The following FAM184A variants were observed in gnomAD, a reference collection of about 807,000 sequenced individuals.
The protein encoded by FAM184A is protein FAM184A.
A neutral mutation model predicts 143.8 loss-of-function variants in FAM184A; 99 were observed. That is an observed-to-expected ratio of 0.69 (90% confidence interval 0.58 to 0.81). The LOEUF (loss-of-function observed/expected upper bound fraction) is 0.81. Among genes scored for constraint, FAM184A ranks in the 40% least tolerant of loss-of-function variants. The probability of loss-of-function intolerance (pLI) is 0.00; values close to 1 mark genes in which losing one functional copy is unlikely to be tolerated. For synonymous variants in FAM184A, 427 were observed against 446.4 expected, an observed-to-expected ratio of 0.96 and a Z score of 0.55; for missense variants, 1,217 against 1,310.5, an observed-to-expected ratio of 0.93 and a Z score of 1.10.
At chr6:119,134,926 T>C (rs2114881252) in intron 1 of FAM184A, among the ~76,000 whole-genome samples, 1 of 152,296 alleles carries the variant, frequency 6.6e-6, no homozygotes, top group East Asian at 1.9e-4. Flanking sequence ...TATAACCATG[T>C]CCAGAAATTT....
chr6:118,974,964 T>C, intron 13 of FAM184A, 60 bp downstream of exon 13: 2 of 1,366,214 alleles, frequency 1.5e-6, no homozygotes, highest in South Asian at 1.4e-5. Flanking sequence ...TTACTAAATA[T>C]CAGCACAACA....
In FAM184A at chr6:119,091,192, T is replaced by C. The variant is rs1788354820; in HGVS notation, c.-202+57886A>G. On this transcript the variant is annotated intron_variant, in intron 1 of 16. Transcript: ENST00000352896. ...CTCCCTCCTACCACCAGTAAAAATT[T>C]ATAAAAATAATTCTTTGCATTTTTT... Among the ~76,000 whole-genome samples, 3 of 152,188 alleles carry C rather than the reference T, an allele frequency of 2.0e-5. No individual in the cohort carries two copies. The South Asian group carries it at 6.2e-4, about 32-fold the overall frequency.
chr6:119,118,970 A>C (rs1040339683), intron 1 of FAM184A, among the ~76,000 whole-genome samples: 6 of 152,192 alleles, frequency 3.9e-5, no homozygotes. Flanking sequence ...AACATCCCTG[A>C]GAAAGAGAAT....
intron 16 of FAM184A, among the ~76,000 whole-genome samples, chr6:118,964,183 C>T (rs967054566): frequency 3.9e-5 from 6 of 152,002 alleles, no homozygotes; most frequent in Non-Finnish European, 7.4e-5. Context: ...AAAACCAAAC[C>T]AAACCAAAAA....
chr6:119,083,617 C>T (rs1788134772), upstream of FAM184A, among the ~76,000 whole-genome samples: 1 of 152,198 alleles, frequency 6.6e-6, no homozygotes, highest in Non-Finnish European at 1.5e-5. Flanking sequence ...GGGCAAAATG[C>T]TGCCAGTTTC....
chr6:119,116,019 A>ACACATACAC (rs1789052331), intron 1 of FAM184A, among the ~76,000 whole-genome samples: 1 of 151,072 alleles, frequency 6.6e-6, no homozygotes, highest in African/African-American at 2.4e-5. Flanking sequence ...ACACACACAC[A>ACACATACAC]ACGAGAGAGA....
At chr6:119,063,823 C>T (rs1787344762) in intron 1 of FAM184A, among the ~76,000 whole-genome samples, 1 of 152,146 alleles carries the variant, frequency 6.6e-6, no homozygotes, top group South Asian at 2.1e-4. Flanking sequence ...CTTGCTTTGT[C>T]ATACTAATAA....
At chr6:119,100,223 A>G (rs1788604737) in intron 1 of FAM184A, among the ~76,000 whole-genome samples, 1 of 152,136 alleles carries the variant, frequency 6.6e-6, no homozygotes, top group Non-Finnish European at 1.5e-5. Context: ...GTGAGGGAGA[A>G]ATGAAATGGT....
chr6:119,035,121 A>C (rs1298338131), intron 1 of FAM184A, among the ~76,000 whole-genome samples: 1 of 152,166 alleles, frequency 6.6e-6, no homozygotes, highest in East Asian at 1.9e-4. Flanking sequence ...TGGAAGAAAA[A>C]GCAACTGGCC....
At chr6:119,118,537 T>G (rs1464257621) in intron 1 of FAM184A, among the ~76,000 whole-genome samples, 1 of 152,222 alleles carries the variant, frequency 6.6e-6, no homozygotes, top group Non-Finnish European at 1.5e-5. Context: ...CATTGACATT[T>G]ATTAGATCCC....
At chr6:119,034,007 AAAAAAAAAAAAAATATATAT>A (rs1785996981) in intron 1 of FAM184A, among the ~76,000 whole-genome samples, 1 of 44,964 alleles carries the variant, frequency 2.2e-5, no homozygotes, top group African/African-American at 1.0e-4. Flanking sequence ...AAAAAAAAAA[AAAAAAAAAAAAAATATATAT>A]ATATATATAT....
chr6:119,096,272 T>A (rs543847515), intron 1 of FAM184A, among the ~76,000 whole-genome samples: 1 of 152,352 alleles, frequency 6.6e-6, no homozygotes, highest in Admixed American at 6.5e-5. Context: ...TATTGACTTC[T>A]GGGATTTGCA....
chr6:119,113,199 CT>C (rs2114850692), intron 1 of FAM184A, among the ~76,000 whole-genome samples: 1 of 149,946 alleles, frequency 6.7e-6, no homozygotes, highest in African/African-American at 2.5e-5. Flanking sequence ...TGACTCAACC[CT>C]TTAAAAAAAA....
At chr6:119,127,121 A>G (rs1789389324) in intron 1 of FAM184A, among the ~76,000 whole-genome samples, 1 of 152,180 alleles carries the variant, frequency 6.6e-6, no homozygotes, top group Admixed American at 6.5e-5. Flanking sequence ...ACAGGAATGC[A>G]TGTTCTCACT....
intron 1 of FAM184A, among the ~76,000 whole-genome samples, chr6:119,104,531 G>T (rs1788726630): frequency 6.6e-6 from 1 of 152,082 alleles, no homozygotes; most frequent in South Asian, 2.1e-4. Flanking sequence ...GTCCAAAGTG[G>T]TATCACGCAA....
At chr6:119,022,499 C>CA (rs1255687069) in intron 3 of FAM184A, among the ~76,000 whole-genome samples, 2 of 151,972 alleles carry the variant, frequency 1.3e-5, no homozygotes, top group Non-Finnish European at 2.9e-5. Context: ...TAATTAGTAA[C>CA]ATATTGAGTC....
At chr6:119,084,005 G>A (rs1032818334) in intron 1 of FAM184A, among the ~76,000 whole-genome samples, 10 of 152,044 alleles carry the variant, frequency 6.6e-5, no homozygotes, top group African/African-American at 9.7e-5. Context: ...CCACATTCTG[G>A]GGAGACCTCA....
chr6:119,048,288 A>G (rs1345569248), intron 1 of FAM184A, among the ~76,000 whole-genome samples: 1 of 152,240 alleles, frequency 6.6e-6, no homozygotes, highest in East Asian at 1.9e-4. Flanking sequence ...GAATGGGCAA[A>G]AGCTGGAAGC....
chr6:119,078,632 G>A lies in FAM184A; in HGVS notation c.-333C>T, dbSNP rs143826373. On this transcript the variant is annotated 5_prime_UTR_variant, in exon 1 of 18. Transcript: ENST00000338891. The surrounding 1 kb of genome is among the most constrained non-coding windows in gnomAD (Gnocchi z 5.5). ...AGGACAGCGCAGCTCCGCGGGTCCC[G>A]CTCGCAGCCCGCACCGAGGACTCGG... The A allele has an allele frequency of 1.6e-5, 3 of 191,020 alleles. No individual in the cohort carries two copies. The highest frequency in any genetic ancestry group is 2.5e-4 in the East Asian group (2 of 8,048). 11.8% of individuals were successfully genotyped at this position (191,020 alleles called of 1,614,324 possible). A position where few individuals can be genotyped will look rare whatever the true frequency, so the allele number is the denominator to read the frequency against.
Sources: allele counts gnomAD v4.1 joint callset (sites outside exome capture counted in the v4.1 genomes callset), GRCh38; gene constraint gnomAD v4.1.1; non-coding constraint Gnocchi (gnomAD v3.1); transcripts MANE v1.5; gene names NCBI Gene and HGNC (gene_info 2026-07-23, HGNC 2026-07-21).